The following CREB5 variants were observed in gnomAD, a reference collection of about 807,000 sequenced individuals.
The protein encoded by CREB5 is cyclic AMP-responsive element-binding protein 5.
CREB5 carries 19 observed loss-of-function variants against 57.1 expected under a neutral mutation model. The observed-to-expected ratio is 0.33, with a 90% CI of 0.23 to 0.49. The LOEUF is 0.49. CREB5 is among the 20% of genes least tolerant of loss of function. The pLI, the probability that CREB5 is intolerant of heterozygous loss-of-function variation, is 0.99. For missense variants in CREB5, 579 were observed against 671.6 expected (o/e 0.86, Z 1.52); for synonymous variants, 238 against 238.3 (o/e 1.00, Z 0.01).
chr7:28,580,380 G>T (rs574580228), intron 5 of CREB5, among the ~76,000 whole-genome samples: 3 of 127,406 alleles, frequency 2.4e-5, no homozygotes, highest in South Asian at 2.6e-4. Context: ...CTGTGTGTGT[G>T]GGGGGGGCAT....
At chr7:28,780,548 C>G (rs1399508297) in intron 7 of CREB5, among the ~76,000 whole-genome samples, 1 of 151,932 alleles carries the variant, frequency 6.6e-6, no homozygotes, top group East Asian at 1.9e-4. Flanking sequence ...GTGGTGAAAC[C>G]CTGTCTCTAC....
intron 8 of CREB5, among the ~76,000 whole-genome samples, chr7:28,805,720 AC>A (rs1808686158): frequency 7.7e-6 from 1 of 129,058 alleles, no homozygotes; most frequent in African/African-American, 3.5e-5. Context: ...GAATGAGATA[AC>A]CTTAATTTTT....
intron 1 of CREB5, among the ~76,000 whole-genome samples, chr7:28,311,921 T>C (rs1471726021): frequency 6.6e-6 from 1 of 152,202 alleles, no homozygotes; most frequent in Admixed American, 6.5e-5. Flanking sequence ...GCTCCTCCCA[T>C]AGGCCCTTTG....
Position 28,804,538 on chromosome 7 carries a change from G to A in CREB5, c.1026+16G>A. 1 of 1,610,676 alleles carries A rather than the reference G, an allele frequency of 6.2e-7. No individual in the cohort carries two copies. Among genetic ancestry groups the A allele is most frequent in the East Asian group, 2.2e-5 (1 of 44,782 alleles). On this transcript the variant is annotated intron_variant, in intron 8 of 10. Coordinates refer to ENST00000357727, the MANE Select transcript of CREB5 (RefSeq NM_182898.4). ...CCAAGCACAGGTAGACCTTTTCCGT[G>A]ATCTCTTTCCCCTTCTTATTCTCCT...
intron 5 of CREB5, among the ~76,000 whole-genome samples, chr7:28,654,433 T>C (rs924906608): frequency 6.6e-6 from 1 of 152,226 alleles, no homozygotes; most frequent in Non-Finnish European, 1.5e-5. Flanking sequence ...TACATAATGA[T>C]GTATTACATA....
intron 5 of CREB5, among the ~76,000 whole-genome samples, chr7:28,663,503 G>T (rs1799692850): frequency 6.6e-6 from 1 of 152,124 alleles, no homozygotes. Context: ...ACCGCACTCG[G>T]CCAGCTGTCC....
intron 1 of CREB5, among the ~76,000 whole-genome samples, chr7:28,476,915 C>A (rs1791094170): frequency 6.6e-6 from 1 of 152,186 alleles, no homozygotes; most frequent in Non-Finnish European, 1.5e-5. Flanking sequence ...TACTTTATGG[C>A]CATTAAAATT....
intron 1 of CREB5, among the ~76,000 whole-genome samples, chr7:28,485,375 G>T (rs561633619): frequency 6.6e-6 from 1 of 152,174 alleles, no homozygotes; most frequent in Admixed American, 6.5e-5. Context: ...ACATTCTACA[G>T]TAGCAACTAA....
intron 5 of CREB5, among the ~76,000 whole-genome samples, chr7:28,587,158 CAG>C (rs1468563710): frequency 2.6e-5 from 4 of 152,234 alleles, no homozygotes; most frequent in East Asian, 3.9e-4. Flanking sequence ...TGAGGAGACT[CAG>C]AGAAAGTACA....
intron 1 of CREB5, among the ~76,000 whole-genome samples, chr7:28,375,489 T>C (rs1037649451): frequency 6.6e-6 from 1 of 152,136 alleles, no homozygotes; most frequent in African/African-American, 2.4e-5. Context: ...ATTGTACATT[T>C]TAAAATAACT....
chr7:28,463,490 T>A (rs1790435842), intron 1 of CREB5, among the ~76,000 whole-genome samples: 1 of 152,234 alleles, frequency 6.6e-6, no homozygotes, highest in Non-Finnish European at 1.5e-5. Flanking sequence ...TGTTTAAGAT[T>A]GTGCTGAATG....
chr7:28,724,534 A>C (rs986443088), intron 7 of CREB5: 8 of 553,034 alleles, frequency 1.4e-5, no homozygotes, highest in Middle Eastern at 4.8e-4. Context: ...CAAGCACTGG[A>C]TTGGCAAGTG....
intron 1 of CREB5, among the ~76,000 whole-genome samples, chr7:28,432,375 G>A (rs941327142): frequency 6.6e-6 from 1 of 152,184 alleles, no homozygotes; most frequent in African/African-American, 2.4e-5. Context: ...TTTTTCGGTT[G>A]TGTCATCTAT....
intron 5 of CREB5, among the ~76,000 whole-genome samples, chr7:28,628,431 C>T (rs1438302279): frequency 2.0e-5 from 3 of 152,170 alleles, no homozygotes; most frequent in African/African-American, 2.4e-5. Context: ...TGTCAGTCTA[C>T]TTTGCCCTCA....
At chr7:28,325,182 C>T (rs1266751832) in intron 1 of CREB5, among the ~76,000 whole-genome samples, 2 of 152,338 alleles carry the variant, frequency 1.3e-5, no homozygotes, top group East Asian at 1.9e-4. Flanking sequence ...TCAGGCCGGG[C>T]GCAGTGGCTC....
At chr7:28,547,726 T>C (rs1794473181) in intron 4 of CREB5, among the ~76,000 whole-genome samples, 1 of 152,202 alleles carries the variant, frequency 6.6e-6, no homozygotes, top group Non-Finnish European at 1.5e-5. Context: ...GAACCACTTA[T>C]TTGTCTTACA....
rs10599936 is a variant in CREB5, at chr7:28,413,092, ATGTGTGTGTGTG to A, written c.3+198_3+209del. 8.1e-5 allele frequency among the ~76,000 whole-genome samples: 12 copies of A among 147,322 alleles called. No individual in the cohort carries two copies. The East Asian group carries it at 2.2e-3, about 27-fold the overall frequency. On this transcript the variant is annotated intron_variant, in intron 1 of 10. Coordinates refer to ENST00000357727, the MANE Select transcript of CREB5 (RefSeq NM_182898.4). Reference sequence around the variant, plus strand: ...GACTTATAGCATTTTATGTGGAAGGATGTGTGTGTGTGTGTGTGTGTGTGTGTGTGTGTGAAT... The same window carrying A: ...GACTTATAGCATTTTATGTGGAAGGATGTGTGTGTGTGTGTGTGTGTGAAT...
intron 1 of CREB5, among the ~76,000 whole-genome samples, chr7:28,444,871 A>G (rs1025619261): frequency 6.6e-6 from 1 of 152,238 alleles, no homozygotes; most frequent in South Asian, 2.1e-4. Context: ...TTGTGGGGTC[A>G]TAAATGTCAT....
chr7:28,407,341 G>A (rs555040283), intron 1 of CREB5, among the ~76,000 whole-genome samples: 4 of 152,276 alleles, frequency 2.6e-5, no homozygotes, highest in East Asian at 1.9e-4. Flanking sequence ...GTGAACCACC[G>A]TGCCCGGCCC....
Sources: gnomAD v4.1 joint callset for allele counts (sites outside exome capture counted in the v4.1 genomes callset) on GRCh38, gnomAD v4.1.1 for gene constraint, MANE v1.5 for transcripts, NCBI Gene and HGNC (gene_info 2026-07-23, HGNC 2026-07-21) for gene names.